KCNIP1: variants seen among roughly 807,000 people sequenced by gnomAD.
The protein encoded by KCNIP1 is potassium voltage-gated channel interacting protein 1, also known as A-type potassium channel modulatory protein KCNIP1.
In KCNIP1, 18 loss-of-function variants were observed where a neutral mutation model predicts 33.0. The observed-to-expected ratio is 0.55, with a 90% confidence interval of 0.38 to 0.81. The LOEUF (loss-of-function observed/expected upper bound fraction) is 0.81, where lower values mean the gene tolerates loss of function less well. Among genes scored for constraint, KCNIP1 ranks in the 30% least tolerant of loss-of-function variants. The pLI is 0.00. For synonymous variants in KCNIP1, 93 were observed against 98.3 expected, an observed-to-expected ratio of 0.95 and a Z score of 0.32; for missense variants, 238 against 271.6, an observed-to-expected ratio of 0.88 and a Z score of 0.87.
intron 1 of KCNIP1, among the ~76,000 whole-genome samples, chr5:170,591,962 C>T (rs1296866441): frequency 1.3e-5 from 2 of 152,132 alleles, no homozygotes; most frequent in Non-Finnish European, 2.9e-5. Flanking sequence ...GATATGTATC[C>T]AGAAGCAGAA....
intron 1 of KCNIP1, among the ~76,000 whole-genome samples, chr5:170,597,938 T>G (rs1758524458): frequency 1.3e-5 from 2 of 152,088 alleles, no homozygotes; most frequent in South Asian, 2.1e-4. Flanking sequence ...AAAAGCTGTT[T>G]GAAAACTCTG....
At chr5:170,602,843 G>A (rs910235984) in intron 1 of KCNIP1, among the ~76,000 whole-genome samples, 2 of 152,228 alleles carry the variant, frequency 1.3e-5, no homozygotes, top group African/African-American at 2.4e-5. Context: ...AGGGCGCAAG[G>A]TGAGGTGCCA....
At chr5:170,563,600 A>G (rs1191463345) in intron 1 of KCNIP1, among the ~76,000 whole-genome samples, 5 of 151,664 alleles carry the variant, frequency 3.3e-5, no homozygotes, top group South Asian at 2.1e-4. Context: ...TACAATTGCA[A>G]TGGGAGGTAT....
intron 1 of KCNIP1, among the ~76,000 whole-genome samples, chr5:170,609,251 CTATT>C (rs1324422120): frequency 4.6e-5 from 7 of 152,244 alleles, no homozygotes; most frequent in South Asian, 2.1e-4. Flanking sequence ...TGTCCTGAGG[CTATT>C]TATTTATTTT....
At chr5:170,681,112 T>C (rs1467110916) in intron 1 of KCNIP1, 2 of 399,130 alleles carry the variant, frequency 5.0e-6, no homozygotes, top group African/African-American at 2.1e-5. Flanking sequence ...ACACTGGGAA[T>C]AGTGGTGGTC....
At position 170,546,251 on chromosome 5, in the gene KCNIP1, G is replaced by GA. The variant is rs941555266; in HGVS notation, c.61+41623dup. ...CAAAATCTGGCAAATATCTTGAGGG[G>GA]AAAAACAGGGATTTATGTCAGGCCC... On this transcript the variant is annotated intron_variant, in intron 1 of 7. Transcript: ENST00000328939. 3.3e-4 allele frequency among the ~76,000 whole-genome samples: 50 copies of GA among 152,286 alleles called. 1 individual carries two copies. The highest frequency in any genetic ancestry group is 6.8e-3 in the Middle Eastern group (2 of 294).
chr5:170,584,689 G>T (rs76403665), intron 1 of KCNIP1, among the ~76,000 whole-genome samples: 16,667 of 152,096 alleles, frequency 0.11, 966 homozygotes, highest in African/African-American at 0.15. Context: ...CAACTCCGGG[G>T]ACTTAGTGGC....
chr5:170,734,427 C>T (rs1032091008), intron 7 of KCNIP1, among the ~76,000 whole-genome samples: 3 of 152,128 alleles, frequency 2.0e-5, no homozygotes, highest in African/African-American at 7.2e-5. Context: ...GAAACAATAT[C>T]CTTGATGATT....
chr5:170,482,532 A>G (rs1756999932), intron 1 of KCNIP1, among the ~76,000 whole-genome samples: 1 of 152,152 alleles, frequency 6.6e-6, no homozygotes, highest in African/African-American at 2.4e-5. Context: ...AAGTAACTGA[A>G]GTGATTTCTC....
At chr5:170,403,682 C>T (rs935974892) in intron 1 of KCNIP1, among the ~76,000 whole-genome samples, 4 of 152,218 alleles carry the variant, frequency 2.6e-5, no homozygotes, top group Admixed American at 2.0e-4. Context: ...GTCAGCTTAT[C>T]TCTGAATGTT....
chr5:170,721,954 C>T, intron 4 of KCNIP1, 51 bp downstream of exon 4: 1 of 1,601,342 alleles, frequency 6.2e-7, no homozygotes. Context: ...TGCATCACCT[C>T]CCCCTCTAAA....
rs369389827 is a variant in KCNIP1, at chr5:170,493,881, A to C, written c.88+139917A>C. Among the ~76,000 whole-genome samples the C allele has an allele frequency of 2.4e-4, 37 of 151,990 alleles. 1 individual carries two copies. The East Asian group carries it at 3.1e-3, about 13-fold the overall frequency. The stretch of plus-strand genomic sequence containing the variant: ...ATAGTGCATACTCCACTCTCTCTCC[A>C]CGGAACTGTGAGCTTTCTAAGGGCC... On this transcript the variant is annotated intron_variant, in intron 1 of 7. Transcript: ENST00000377360.
intron 1 of KCNIP1, among the ~76,000 whole-genome samples, chr5:170,670,748 C>T (rs949769996): frequency 1.8e-4 from 28 of 152,106 alleles, no homozygotes; most frequent in African/African-American, 6.7e-4. Context: ...AAAAATTTAG[C>T]CAGGTGTGGT....
intron 1 of KCNIP1, among the ~76,000 whole-genome samples, chr5:170,570,779 G>T (rs1757380068): frequency 6.6e-6 from 1 of 152,258 alleles, no homozygotes; most frequent in South Asian, 2.1e-4. Flanking sequence ...TGCCTCCTGG[G>T]AGGAAATAAA....
intron 1 of KCNIP1, among the ~76,000 whole-genome samples, chr5:170,512,645 C>G (rs988586559): frequency 1.3e-5 from 2 of 152,224 alleles, no homozygotes; most frequent in African/African-American, 4.8e-5. Context: ...TAAGATGCAG[C>G]GGTCAGCACT....
At chr5:170,720,689 A>C (rs1410692947) in intron 3 of KCNIP1, among the ~76,000 whole-genome samples, 4 of 152,234 alleles carry the variant, frequency 2.6e-5, no homozygotes, top group African/African-American at 9.6e-5. Context: ...GTTTCGGGGA[A>C]GATAAGCAGT....
Position 170,407,595 on chromosome 5 carries a change from G to A in KCNIP1, c.88+53631G>A, listed in dbSNP as rs369582120. ...ACAGGGAACTGCATTTCTATAGAAT[G>A]CACTTTGGAAAGCATTGCCCTACAG... On this transcript the variant is annotated intron_variant, in intron 1 of 7. Transcript: ENST00000377360. Among the ~76,000 whole-genome samples the A allele has an allele frequency of 2.6e-5, 4 of 152,312 alleles. No individual in the cohort carries two copies. The South Asian group carries it at 8.3e-4, about 32-fold the overall frequency.
chr5:170,377,677 A>G (rs1267083805), intron 1 of KCNIP1: 2 of 151,708 alleles, frequency 1.3e-5, no homozygotes, highest in African/African-American at 2.4e-5. Flanking sequence ...GGTTCACGCC[A>G]TTCTCCTGCC....
chr5:170,423,079 C>T (rs1041641523), intron 1 of KCNIP1, among the ~76,000 whole-genome samples: 2 of 152,130 alleles, frequency 1.3e-5, no homozygotes, highest in African/African-American at 4.8e-5. Context: ...GAGCACAACC[C>T]TGTCTCAAAC....
Sources: allele counts gnomAD v4.1 joint callset (sites outside exome capture counted in the v4.1 genomes callset), GRCh38; gene constraint gnomAD v4.1.1; transcripts MANE v1.5; gene names NCBI Gene and HGNC (gene_info 2026-07-23, HGNC 2026-07-21).